Variants in STAG3 observed in about 807,000 individuals in gnomAD.
STAG3 encodes STAG3 cohesin complex component.
Under a neutral mutation model 160.7 loss-of-function variants are expected in STAG3, and 101 were observed. The observed-to-expected ratio is 0.63, with a 90% CI of 0.54 to 0.74. The LOEUF (loss-of-function observed/expected upper bound fraction) is 0.74. Among genes scored for constraint, STAG3 ranks in the 30% least tolerant of loss-of-function variants. The pLI, the probability that STAG3 is intolerant of heterozygous loss-of-function variation, is 0.00. For synonymous variants in STAG3, 519 were observed against 585.0 expected (o/e 0.89, Z 1.63); for missense variants, 1,188 against 1,517.4 (o/e 0.78, Z 3.61).
intron 4 of STAG3, among the ~76,000 whole-genome samples, chr7:100,183,892 CAT>C (rs1420877669): frequency 1.3e-5 from 2 of 152,172 alleles, no homozygotes; most frequent in East Asian, 1.9e-4. Context: ...AATTTTCAAA[CAT>C]ATAGAATTTT....
At chr7:100,203,375 A>C (rs2117359576) in intron 25 of STAG3, among the ~76,000 whole-genome samples, 1 of 151,840 alleles carries the variant, frequency 6.6e-6, no homozygotes, top group South Asian at 2.1e-4. Flanking sequence ...TAGTAAAGAC[A>C]GGGTTTCACC....
intron 15 of STAG3, 72 bp from the exon 16 acceptor site, chr7:100,199,469 G>A (rs1459466293): frequency 6.4e-6 from 10 of 1,555,042 alleles, no homozygotes; most frequent in East Asian, 4.5e-5. Flanking sequence ...CGGTGGCATC[G>A]GGTGGGGGGA....
intron 14 of STAG3, 41 bp from the exon 15 acceptor site, chr7:100,199,221 T>C (rs750012203): frequency 1.5e-6 from 2 of 1,366,164 alleles, no homozygotes; most frequent in Non-Finnish European, 2.1e-6. Flanking sequence ...AGGGTATTTT[T>C]AACATGCTAT....
chr7:100,199,732 T>C lies in STAG3; in HGVS notation c.1677+88T>C, dbSNP rs1800951067. The C allele has an allele frequency of 3.9e-6, 4 of 1,032,480 alleles. No individual in the cohort carries two copies. In the South Asian group the frequency reaches 6.8e-5, roughly 17 times the overall value. 64.0% of individuals were successfully genotyped at this position (1,032,480 alleles called of 1,614,324 possible). On this transcript the variant is annotated intron_variant, in intron 16 of 33. Coordinates refer to ENST00000615138, the MANE Select transcript of STAG3 (RefSeq NM_001282717.2). ...CTTATCCCCCAGGCTGGGGTTAGGGTGCTCCTTCTACCCTTTAAAGAATTT... is the reference window on the plus strand; with the variant it reads ...CTTATCCCCCAGGCTGGGGTTAGGGCGCTCCTTCTACCCTTTAAAGAATTT...
At chr7:100,188,606 C>A (rs1168956018) in intron 6 of STAG3, 77 bp downstream of exon 6, 13 of 1,266,224 alleles carry the variant, frequency 1.0e-5, no homozygotes, top group Non-Finnish European at 2.3e-6. Flanking sequence ...CTTTTTGATT[C>A]TGTGAAATAG....
At chr7:100,194,371 G>A (rs553269465) in intron 8 of STAG3, among the ~76,000 whole-genome samples, 12 of 152,208 alleles carry the variant, frequency 7.9e-5, no homozygotes, top group Middle Eastern at 3.2e-3. Flanking sequence ...GGAATGAATA[G>A]GGAGGCCTGA....
chr7:100,212,109 C>T (rs567171717), intron 32 of STAG3: 142 of 432,590 alleles, frequency 3.3e-4, no homozygotes, highest in African/African-American at 7.8e-4. Flanking sequence ...ATAGCACTCT[C>T]GCTCCCAATC....
intron 29 of STAG3, among the ~76,000 whole-genome samples, chr7:100,209,703 GGCA>G (rs1020427937): frequency 6.6e-6 from 1 of 152,184 alleles, no homozygotes; most frequent in African/African-American, 2.4e-5. Flanking sequence ...TTAGGCCGGG[GGCA>G]ATGGTGGAGG....
At chr7:100,204,330 T>C (rs148270313) in intron 26 of STAG3, among the ~76,000 whole-genome samples, 77 of 152,290 alleles carry the variant, frequency 5.1e-4, no homozygotes, top group Non-Finnish European at 8.7e-4. Context: ...AAGTAACTTA[T>C]CAGGACATTG....
intron 8 of STAG3, among the ~76,000 whole-genome samples, chr7:100,190,729 T>A (rs1221378089): frequency 6.6e-6 from 1 of 152,198 alleles, no homozygotes; most frequent in Non-Finnish European, 1.5e-5. Context: ...CCATCCTTCC[T>A]TTTAGGATAG....
rs1323524137 is a variant in STAG3, at chr7:100,182,131, A to T, written c.158A>T (p.Glu53Val). 7 of 1,613,640 alleles carry T rather than the reference A, an allele frequency of 4.3e-6. No homozygotes were observed. The highest frequency in any genetic ancestry group is 5.9e-6 in the Non-Finnish European group (7 of 1,179,934). The change falls in exon 3 of 34, where the codon GAA (glutamate) becomes GTA (valine). Residue 53 changes from glutamate (E) to valine (V), a missense_variant. Around this residue, in one of 4 missense-constraint regions of STAG3, gnomAD observed 296 missense variants for 404.0 expected, o/e 0.73. Transcript: ENST00000615138. ...SLLADEDTDF[E>V]DSLNRNVKKR... Reference sequence around the variant, plus strand: ...TTAGCTGATGAAGACACTGACTTTGAAGACAGCTTGAATCGCAATGTGAAG... The same window carrying T: ...TTAGCTGATGAAGACACTGACTTTGTAGACAGCTTGAATCGCAATGTGAAG...
intron 9 of STAG3, 85 bp downstream of exon 9, chr7:100,195,467 C>T (rs1800627003): frequency 1.5e-6 from 2 of 1,293,412 alleles, no homozygotes; most frequent in Non-Finnish European, 2.2e-6. Flanking sequence ...CCCCCTCCAA[C>T]CCTTAGTTAT....
chr7:100,198,154 T>C lies in STAG3; in HGVS notation c.1232T>C (p.Ile411Thr), dbSNP rs540413137. ...GCAGTGGAGGCTGTCAGATTACTGA[T>C]ACTTATCCTTAAGTGAGTCCTGGGA... ...DVAVEAVRLL[I>T]LILKNMEGVL... is the part of the protein sequence containing the mutation. The change falls in exon 12 of 34, where the codon ATA (isoleucine) becomes ACA (threonine). Residue 411 changes from isoleucine to threonine, a missense_variant. Transcript: ENST00000615138. 3.1e-6 allele frequency: 5 copies of C among 1,613,984 alleles called. No homozygotes were observed. The African/African-American group carries it at 5.3e-5, about 17-fold the overall frequency.
chr7:100,200,389 G>A (rs574199139), intron 17 of STAG3, 61 bp downstream of exon 17: 2 of 1,612,868 alleles, frequency 1.2e-6, no homozygotes, highest in Non-Finnish European at 8.5e-7. Context: ...GGCCTCTGTG[G>A]GGGTGGGAGT....
chr7:100,205,102 C>T lies in STAG3; in HGVS notation c.3049C>T (p.Pro1017Ser). ...AFLELLSEFS[P>S]RLFHQDKQLL... is the part of the protein sequence containing the mutation. The stretch of plus-strand genomic sequence containing the variant: ...CCTGGAGCTCCTTTCAGAGTTTTCC[C>T]CCCGACTCTTCCATCAGGACAAGCA... Residue 1017 changes from proline to serine, a missense_variant, in exon 28 of 34, where the codon CCC (proline) becomes TCC (serine). By Grantham distance (74) the Pro-to-Ser change is moderately conservative. This residue lies in a region of STAG3 where 647 missense variants were observed against 717.2 expected (regional missense o/e 0.90). Coordinates refer to ENST00000615138, the MANE Select transcript of STAG3 (RefSeq NM_001282717.2). The T allele has an allele frequency of 1.9e-6, 3 of 1,614,146 alleles. No homozygotes were observed. The highest frequency in any genetic ancestry group is 2.5e-6 in the Non-Finnish European group (3 of 1,180,020).
rs775304297 is a variant in STAG3, at chr7:100,198,518, T to C, written c.1288T>C (p.Tyr430His). The C allele has an allele frequency of 1.2e-6, 2 of 1,614,240 alleles. No individual in the cohort carries two copies. The highest frequency in any genetic ancestry group is 1.7e-6 in the Non-Finnish European group (2 of 1,180,048). The change falls in exon 13 of 34, where the codon TAC (tyrosine) becomes CAC (histidine). Residue 430 changes from tyrosine to histidine, a missense_variant. Physicochemically the swap from Tyr to His is moderately conservative, Grantham distance 83. This residue lies in a region of STAG3 where 240 missense variants were observed against 358.1 expected (regional missense o/e 0.67). Coordinates refer to ENST00000615138, the MANE Select transcript of STAG3 (RefSeq NM_001282717.2). ...VLTDADCESVYPVVYASHRGL... is the reference protein window; with the variant it reads ...VLTDADCESVHPVVYASHRGL... Reference sequence around the variant, plus strand: ...GACGGACGCGGATTGTGAGAGCGTCTACCCAGTTGTGTATGCCTCTCATCG... The same window carrying C: ...GACGGACGCGGATTGTGAGAGCGTCCACCCAGTTGTGTATGCCTCTCATCG...
chr7:100,180,652 C>G lies in STAG3; in HGVS notation c.96C>G (p.Asp32Glu). ...SSASLPFDDR[D>E]SNHTSEGNGD... ...CCAGTCTACCCTTTGATGACAGGGA[C>G]TCAAACCATACCTCAGAGGGGTAAG... Residue 32 changes from aspartate to glutamate, a missense_variant, in exon 2 of 34, where the codon GAC becomes GAG. Physicochemically the swap from Asp to Glu is conservative, Grantham distance 45. Around this residue, in one of 4 missense-constraint regions of STAG3, gnomAD observed 296 missense variants for 404.0 expected, o/e 0.73. Coordinates refer to ENST00000615138, the MANE Select transcript of STAG3 (RefSeq NM_001282717.2). 6.2e-7 allele frequency: 1 copy of G among 1,608,332 alleles called. No homozygotes were observed.
Position 100,211,514 on chromosome 7 carries a change from C to G in STAG3, c.3493C>G (p.Pro1165Ala). The part of the protein sequence containing the change: ...YFQTPHNPSG[P>A]GLGNQLMRLS... ...CCAGACTCCACACAACCCTTCAGGT[C>G]CTGGCCTGGGCAACCAGCTGATGCG... The change falls in exon 31 of 34, where the codon CCT becomes GCT. Residue 1165 changes from proline (P) to alanine (A), a missense_variant. Physicochemically the swap from Pro to Ala is conservative, Grantham distance 27. Coordinates refer to ENST00000615138, the MANE Select transcript of STAG3 (RefSeq NM_001282717.2). 2 of 1,613,792 alleles carry G rather than the reference C, an allele frequency of 1.2e-6. No homozygotes were observed. Among genetic ancestry groups the G allele is most frequent in the Non-Finnish European group, 1.7e-6 (2 of 1,179,984 alleles).
rs1398396032 is a variant in STAG3 at position 100,177,958 on chromosome 7, G to C, written c.-112G>C. On this transcript the variant is annotated 5_prime_UTR_variant, in exon 1 of 34. Transcript: ENST00000615138. ...TTCGCCCCCGGAAGGGCAGCGGCGG[G>C]CGCCTGTGTGGAAGGTGGGGTGGCC... is the stretch of plus-strand genomic sequence containing the variant. 6.6e-6 allele frequency: 1 copy of C among 152,494 alleles called. No individual in the cohort carries two copies. Among genetic ancestry groups the C allele is most frequent in the East Asian group, 1.9e-4 (1 of 5,194 alleles). 9.4% of individuals were successfully genotyped at this position (152,494 alleles called of 1,614,324 possible).
Sources: allele counts gnomAD v4.1 joint callset (sites outside exome capture counted in the v4.1 genomes callset), GRCh38; gene constraint gnomAD v4.1.1; regional missense constraint gnomAD v4.1.1; transcripts MANE v1.5; gene names NCBI Gene and HGNC (gene_info 2026-07-23, HGNC 2026-07-21).